Variants in TMEM273 observed in about 807,000 individuals in gnomAD.
TMEM273 encodes transmembrane protein 273, also known as chromosome 10 open reading frame 128.
Under a neutral mutation model 17.9 loss-of-function variants are expected in TMEM273, and 19 were observed. That is an observed-to-expected ratio of 1.06 (90% CI 0.74 to 1.55). The LOEUF is 1.55. TMEM273 is among the 40% of genes most tolerant of loss of function. The pLI, the probability that TMEM273 is intolerant of heterozygous loss-of-function variation, is 0.00. For missense variants in TMEM273, 194 were observed against 155.6 expected, an observed-to-expected ratio of 1.25 and a Z score of -1.31; for synonymous variants, 66 against 62.0, an observed-to-expected ratio of 1.07 and a Z score of -0.31.
chr10:49,155,890 G>A lies in TMEM273; in HGVS notation c.*2C>T, dbSNP rs746344552. ...CTCTTCACGTCACTGCTCACCTACAGCTCAATCACCTGTGCATCTCTGGAA... is the reference window on the plus strand; with the variant it reads ...CTCTTCACGTCACTGCTCACCTACAACTCAATCACCTGTGCATCTCTGGAA... On this transcript the variant is annotated 3_prime_UTR_variant, in exon 7 of 7. Coordinates refer to ENST00000374153, the MANE Select transcript of TMEM273 (RefSeq NM_001288740.3). 1.3e-5 allele frequency: 21 copies of A among 1,614,166 alleles called. No individual in the cohort carries two copies. The South Asian group carries it at 2.2e-4, about 17-fold the overall frequency.
At chr10:49,164,810 C>T (rs972850435) in intron 5 of TMEM273, among the ~76,000 whole-genome samples, 1 of 152,068 alleles carries the variant, frequency 6.6e-6, no homozygotes, top group African/African-American at 2.4e-5. Context: ...CAAGGCAACA[C>T]ATGCTTAGCC....
At chr10:49,176,458 C>T (rs1846975660) in intron 1 of TMEM273, among the ~76,000 whole-genome samples, 1 of 152,020 alleles carries the variant, frequency 6.6e-6, no homozygotes, top group African/African-American at 2.4e-5. Context: ...GCAGGAGCAA[C>T]TCTCAGGGCA....
chr10:49,167,794 T>C, intron 2 of TMEM273, 115 bp downstream of exon 2: 3 of 1,375,226 alleles, frequency 2.2e-6, no homozygotes, highest in Non-Finnish European at 3.1e-6. Context: ...GTGCCCCTTT[T>C]CCTATGCTGA....
intron 5 of TMEM273, among the ~76,000 whole-genome samples, chr10:49,164,789 C>A (rs961433911): frequency 6.6e-5 from 10 of 152,104 alleles, no homozygotes; most frequent in African/African-American, 2.4e-4. Flanking sequence ...GCCCTCTGCA[C>A]CCCCAAGACA....
intron 1 of TMEM273, among the ~76,000 whole-genome samples, chr10:49,169,407 A>G (rs1846408118): frequency 6.6e-6 from 1 of 152,184 alleles, no homozygotes; most frequent in Non-Finnish European, 1.5e-5. Context: ...TCTGCAGGGG[A>G]CAGCTTTGCT....
At chr10:49,165,722 G>T (rs753092591) in intron 4 of TMEM273, 44 bp downstream of exon 4, 1 of 1,612,588 alleles carries the variant, frequency 6.2e-7, no homozygotes, top group African/African-American at 1.3e-5. Context: ...CAAGACAGGA[G>T]AGAACACGAT....
At chr10:49,176,655 C>A (rs1445545939) in intron 1 of TMEM273, among the ~76,000 whole-genome samples, 1 of 152,154 alleles carries the variant, frequency 6.6e-6, no homozygotes, top group Non-Finnish European at 1.5e-5. Flanking sequence ...AGGGACCTGA[C>A]CGAGGGGAGT....
chr10:49,155,714 C>T lies in TMEM273; in HGVS notation c.*178G>A. 1.2e-6 allele frequency: 1 copy of T among 803,388 alleles called. No homozygotes were observed. The highest frequency in any genetic ancestry group is 2.6e-5 in the Admixed American group (1 of 38,420). The allele number at this position is 803,388 out of a possible 1,614,324, so 49.8% of individuals were successfully genotyped here. On this transcript the variant is annotated 3_prime_UTR_variant, in exon 7 of 7. Transcript: ENST00000374153. Reference sequence around the variant, plus strand: ...TCTTCCAGAAGAGGCATGATATTTTCCTTCAGGACAGAGGCACTGTATATT... The same window carrying T: ...TCTTCCAGAAGAGGCATGATATTTTTCTTCAGGACAGAGGCACTGTATATT...
chr10:49,187,985 T>C (rs904567676), intron 1 of TMEM273, among the ~76,000 whole-genome samples: 1 of 152,034 alleles, frequency 6.6e-6, no homozygotes, highest in Admixed American at 6.5e-5. Context: ...AGTTAGGGAG[T>C]TTCAGAAGCT....
chr10:49,180,902 C>T (rs1204866863), intron 1 of TMEM273, among the ~76,000 whole-genome samples: 1 of 152,208 alleles, frequency 6.6e-6, no homozygotes, highest in African/African-American at 2.4e-5. Context: ...CAACCTAGTA[C>T]TAACGTTCTT....
chr10:49,155,961 C>T (rs752696695), intron 6 of TMEM273, 52 bp from the exon 7 acceptor site: 1 of 1,613,244 alleles, frequency 6.2e-7, no homozygotes, highest in South Asian at 1.1e-5. Flanking sequence ...CAACTATACT[C>T]TAATGATTGC....
At chr10:49,156,421 T>C (rs1157816078) in intron 6 of TMEM273, among the ~76,000 whole-genome samples, 1 of 152,068 alleles carries the variant, frequency 6.6e-6, no homozygotes, top group African/African-American at 2.4e-5. Flanking sequence ...AGGGGAAACA[T>C]GGAAGAGAAG....
chr10:49,187,244 G>A (rs1465169564), intron 1 of TMEM273, among the ~76,000 whole-genome samples: 1 of 152,120 alleles, frequency 6.6e-6, no homozygotes, highest in Non-Finnish European at 1.5e-5. Context: ...ACTGCCAACG[G>A]CCCGTTTCCA....
chr10:49,170,379 C>G (rs1209884771), intron 1 of TMEM273, among the ~76,000 whole-genome samples: 1 of 152,222 alleles, frequency 6.6e-6, no homozygotes, highest in Non-Finnish European at 1.5e-5. Flanking sequence ...GCCCTGAACC[C>G]TCAGCTCCTT....
chr10:49,170,049 G>C (rs1444049534), intron 1 of TMEM273, among the ~76,000 whole-genome samples: 2 of 152,032 alleles, frequency 1.3e-5, no homozygotes, highest in East Asian at 1.9e-4. Flanking sequence ...ATCCTCCCTT[G>C]GTGGGCATTG....
chr10:49,155,990 C>T, intron 6 of TMEM273, 81 bp from the exon 7 acceptor site: 21 of 1,610,346 alleles, frequency 1.3e-5, no homozygotes, highest in Non-Finnish European at 1.7e-5. Context: ...ATGCAATTCA[C>T]ACAATTAAAC....
chr10:49,161,494 C>T (rs1042000595), intron 6 of TMEM273, 105 bp downstream of exon 6: 6 of 1,467,220 alleles, frequency 4.1e-6, no homozygotes, highest in Middle Eastern at 1.7e-4. Context: ...TTGCCCGTCC[C>T]ACGTGGCCAG....
At chr10:49,180,446 A>C (rs899857218) in intron 1 of TMEM273, among the ~76,000 whole-genome samples, 15 of 152,230 alleles carry the variant, frequency 9.9e-5, no homozygotes, top group Non-Finnish European at 1.8e-4. Flanking sequence ...ATCAGGTGTC[A>C]GTGGTGGCCA....
intron 1 of TMEM273, among the ~76,000 whole-genome samples, chr10:49,169,854 G>A (rs192017297): frequency 2.1e-4 from 32 of 152,326 alleles, no homozygotes; most frequent in African/African-American, 7.5e-4. Context: ...TGTGTGCTAC[G>A]TCTTCACCCT....
Sources: allele counts gnomAD v4.1 joint callset (sites outside exome capture counted in the v4.1 genomes callset), GRCh38; gene constraint gnomAD v4.1.1; transcripts MANE v1.5; gene names NCBI Gene and HGNC (gene_info 2026-07-23, HGNC 2026-07-21).